WDR1: variants seen among roughly 807,000 people sequenced by gnomAD.
WDR1 encodes the protein WD repeat domain 1.
WDR1 carries 21 observed loss-of-function variants against 71.9 expected under a neutral mutation model. The ratio of observed to expected loss-of-function variants is 0.29; its 90% confidence interval spans 0.21 to 0.42. The LOEUF (loss-of-function observed/expected upper bound fraction) is 0.42, where lower values mean the gene tolerates loss of function less well. Among genes scored for constraint, WDR1 ranks in the 10% least tolerant of loss-of-function variants. The probability of loss-of-function intolerance (pLI) is 1.00; values close to 1 mark genes in which losing one functional copy is unlikely to be tolerated. For missense variants in WDR1, 696 were observed against 824.5 expected (o/e 0.84, Z 1.91); for synonymous variants, 424 against 347.4 (o/e 1.22, Z -2.45).
intron 7 of WDR1, 120 bp downstream of exon 7, chr4:10,088,173 G>A (rs758361125): frequency 7.9e-5 from 84 of 1,056,976 alleles, no homozygotes; most frequent in Non-Finnish European, 1.1e-4. Context: ...ATATAAAACC[G>A]CCCCGACTTA....
At chr4:10,116,306 C>A (rs1425879041) in intron 1 of WDR1, 72 bp from the exon 2 acceptor site, 2 of 1,599,714 alleles carry the variant, frequency 1.3e-6, no homozygotes, top group South Asian at 2.2e-5. Context: ...GGAGAAGGAG[C>A]CCCGGACCGG....
At chr4:10,106,865 C>A (rs1234646283) in intron 2 of WDR1, among the ~76,000 whole-genome samples, 1 of 152,110 alleles carries the variant, frequency 6.6e-6, no homozygotes, top group Non-Finnish European at 1.5e-5. Flanking sequence ...CTTACTACAC[C>A]CAGAAAGATA....
At chr4:10,095,945 C>T (rs1712325550) in intron 5 of WDR1, 1 of 152,314 alleles carries the variant, frequency 6.6e-6, no homozygotes, top group African/African-American at 2.4e-5. Context: ...TGGTACCCAC[C>T]CTGGAGCTGG....
In WDR1 at chr4:10,103,900, G is replaced by A. The variant is rs761579573; in HGVS notation, c.225C>T (p.Ser75=). The change falls in exon 3 of 15, where the codon TCC becomes TCT. Residue 75 remains serine (S), a synonymous_variant. Coordinates refer to ENST00000499869, the MANE Select transcript of WDR1 (RefSeq NM_017491.5). The part of the protein sequence containing the change: ...KYAPSGFYIA[S]GDVSGKLRIW... Reference sequence around the variant, plus strand: ...AGCCTTGCCCCCATACAGTACCTCCGGAGGCAATGTAGAATCCGCTGGGCG... The same window carrying A: ...AGCCTTGCCCCCATACAGTACCTCCAGAGGCAATGTAGAATCCGCTGGGCG... 7.0e-6 allele frequency: 11 copies of A among 1,572,328 alleles called. No individual in the cohort carries two copies. The highest frequency in any genetic ancestry group is 2.4e-5 in the East Asian group (1 of 42,250).
In WDR1 at chr4:10,084,425, CTT is replaced by C. The variant is rs777681838; in HGVS notation, c.1039+16_1039+17del. 5.0e-6 allele frequency: 8 copies of C among 1,612,036 alleles called. No homozygotes were observed. Among genetic ancestry groups the C allele is most frequent in the Non-Finnish European group, 5.9e-6 (7 of 1,178,814 alleles). On this transcript the variant is annotated intron_variant, in intron 9 of 14. Coordinates refer to ENST00000499869, the MANE Select transcript of WDR1 (RefSeq NM_017491.5). ...AGAGCCAGCGGCTCCGGAGCCAGCT[CTT>C]TGAGTCAAAGGATATTAATGTGTCC...
At chr4:10,080,373 A>G (rs1764964107) in intron 11 of WDR1, among the ~76,000 whole-genome samples, 1 of 152,168 alleles carries the variant, frequency 6.6e-6, no homozygotes, top group Admixed American at 6.5e-5. Context: ...CCAGCCTTCT[A>G]GAACTCCGCT....
At chr4:10,088,423 G>A (rs1260036063) in intron 6 of WDR1, 50 bp from the exon 7 acceptor site, 1 of 1,514,062 alleles carries the variant, frequency 6.6e-7, no homozygotes, top group South Asian at 1.2e-5. Flanking sequence ...ACACCCTCTG[G>A]AGTAAGCAGT....
chr4:10,077,175 C>T (rs932132114), intron 14 of WDR1, 129 bp downstream of exon 14: 12 of 1,275,074 alleles, frequency 9.4e-6, no homozygotes, highest in African/African-American at 4.5e-5. Flanking sequence ...ACAACTCTTC[C>T]GGGCCACCTG....
At chr4:10,090,784 C>T (rs999269896) in intron 5 of WDR1, among the ~76,000 whole-genome samples, 5 of 152,232 alleles carry the variant, frequency 3.3e-5, no homozygotes, top group Non-Finnish European at 7.3e-5. Flanking sequence ...AAGGGGAGTC[C>T]CAGTGCTCCT....
At position 10,116,644 on chromosome 4, in the gene WDR1, C is replaced by G. The variant is rs1267817073; in HGVS notation, c.16+7G>C. On this transcript the variant is annotated splice_region_variant and intron_variant, in intron 1 of 14. Transcript: ENST00000499869. ...GCCGCTCGGGGGCCCCGCGCCGCGGCACTTACTGATCTCGTACGGCATCCT... is the reference window on the plus strand; with the variant it reads ...GCCGCTCGGGGGCCCCGCGCCGCGGGACTTACTGATCTCGTACGGCATCCT... 10 of 1,308,252 alleles carry G rather than the reference C, an allele frequency of 7.6e-6. No individual in the cohort carries two copies. The highest frequency in any genetic ancestry group is 6.9e-6 in the Non-Finnish European group (7 of 1,021,786). The allele number at this position is 1,308,252 out of a possible 1,614,324, so 81.0% of individuals were successfully genotyped here.
chr4:10,103,441 G>T (rs1712826578), intron 3 of WDR1, among the ~76,000 whole-genome samples: 1 of 152,104 alleles, frequency 6.6e-6, no homozygotes, highest in South Asian at 2.1e-4. Flanking sequence ...CTACAAACTA[G>T]AAAGTGTCCT....
chr4:10,097,907 C>G lies in WDR1; in HGVS notation c.378-16G>C. 1 of 1,385,780 alleles carries G rather than the reference C, an allele frequency of 7.2e-7. No homozygotes were observed. Among genetic ancestry groups the G allele is most frequent in the South Asian group, 1.5e-5 (1 of 67,466 alleles). The allele number at this position is 1,385,780 out of a possible 1,614,324, so 85.8% of individuals were successfully genotyped here. A position where few individuals can be genotyped will look rare whatever the true frequency, so the allele number is the denominator to read the frequency against. ...TGCTCCAAACCTTGACCCAATGACA[C>G]AGGTGGAAGACAAAAAAAAAAAAAA... On this transcript the variant is annotated splice_polypyrimidine_tract_variant and intron_variant, in intron 4 of 14. Coordinates refer to ENST00000499869, the MANE Select transcript of WDR1 (RefSeq NM_017491.5).
chr4:10,075,390 T>C lies in WDR1; in HGVS notation c.1809A>G (p.Thr603=), dbSNP rs1345397863. ...GGGGTGGGGCTCCTCAGTAGGTGAT[T>C]GTCCACTCCTTGACAGAGGCATCAT... ...TSHDASVKEW[T]ITY is the part of the protein sequence containing the mutation. Residue 603 remains threonine (T), a synonymous_variant, in exon 15 of 15, where the codon ACA becomes ACG. Transcript: ENST00000499869. 6.2e-7 allele frequency: 1 copy of C among 1,613,852 alleles called. No homozygotes were observed. The highest frequency in any genetic ancestry group is 1.7e-5 in the Admixed American group (1 of 59,992).
Position 10,116,212 on chromosome 4 carries a change from C to CG in WDR1, c.38dup (p.Gln14AlafsTer15). The CG allele has an allele frequency of 6.2e-7, 1 of 1,613,636 alleles. No individual in the cohort carries two copies. ...TCTTGGAGACGCCCCTCTCCACCTG[C>CG]GGGAGGCTGGCGAACACCTTCTCTG... On this transcript the variant is annotated frameshift_variant, in exon 2 of 15. Transcript: ENST00000499869. LOFTEE classifies it high-confidence loss of function.
At chr4:10,082,885 A>G in intron 10 of WDR1, 137 bp downstream of exon 10, 1 of 1,168,886 alleles carries the variant, frequency 8.6e-7, no homozygotes, top group Non-Finnish European at 1.2e-6. Context: ...ACAACAGGAG[A>G]ACAATGCTGG....
chr4:10,114,199 A>G (rs1328348980), intron 2 of WDR1, among the ~76,000 whole-genome samples: 1 of 152,220 alleles, frequency 6.6e-6, no homozygotes, highest in Non-Finnish European at 1.5e-5. Context: ...CTGGCATTGC[A>G]GAAACTTAAA....
At chr4:10,083,761 C>T (rs1765104594) in intron 9 of WDR1, 1 of 446,846 alleles carries the variant, frequency 2.2e-6, no homozygotes, top group South Asian at 1.6e-5. Context: ...GTTCAAGACA[C>T]ACCCGTGAGC....
chr4:10,116,277 G>C (rs550181568), intron 1 of WDR1, 43 bp from the exon 2 acceptor site: 3 of 1,611,136 alleles, frequency 1.9e-6, no homozygotes, highest in African/African-American at 2.7e-5. Context: ...GGGCAGGGCG[G>C]GGACGGCGGG....
In WDR1 at chr4:10,078,954, G is replaced by A. The variant is rs556104463; in HGVS notation, c.1332C>T (p.Pro444=). ...CTGCCACAACTTCGGGCTCGTAGCC[G>A]GGGTTGTCGATGCTGAAGCACTTCC... ...DQRKCFSIDN[P]GYEPEVVAVH... The change falls in exon 12 of 15, where the codon CCC becomes CCT. Residue 444 remains proline, a synonymous_variant. Coordinates refer to ENST00000499869, the MANE Select transcript of WDR1 (RefSeq NM_017491.5). 1.3e-5 allele frequency: 21 copies of A among 1,612,594 alleles called. No homozygotes were observed. The Admixed American group carries it at 1.7e-4, about 13-fold the overall frequency.
Sources: gnomAD v4.1 joint callset for allele counts (sites outside exome capture counted in the v4.1 genomes callset) on GRCh38, gnomAD v4.1.1 for gene constraint, MANE v1.5 for transcripts, NCBI Gene and HGNC (gene_info 2026-07-23, HGNC 2026-07-21) for gene names.